Variants in ADGRB3 observed in about 807,000 individuals in gnomAD.
The protein encoded by ADGRB3 is adhesion G protein-coupled receptor B3, also known as brain-specific angiogenesis inhibitor 3.
ADGRB3 carries 37 observed loss-of-function variants against 193.4 expected under a neutral mutation model. The ratio of observed to expected loss-of-function variants is 0.19; its 90% CI spans 0.15 to 0.25. The LOEUF is 0.25. Ranked by LOEUF, ADGRB3 falls within the 10% of genes least tolerant of loss-of-function variation. The pLI, the probability that ADGRB3 is intolerant of heterozygous loss-of-function variation, is 1.00. For synonymous variants in ADGRB3, 690 were observed against 644.2 expected, an observed-to-expected ratio of 1.07 and a Z score of -1.08; for missense variants, 1,637 against 1,852.9, an observed-to-expected ratio of 0.88 and a Z score of 2.14.
At chr6:69,021,651 G>A (rs550612955) in intron 13 of ADGRB3, among the ~76,000 whole-genome samples, 32 of 151,804 alleles carry the variant, frequency 2.1e-4, no homozygotes, top group Admixed American at 1.6e-3. Context: ...GACTTAGGAC[G>A]ATAATTTATA....
At chr6:69,027,666 C>T (rs879769987) in intron 13 of ADGRB3, among the ~76,000 whole-genome samples, 3 of 152,206 alleles carry the variant, frequency 2.0e-5, no homozygotes, top group South Asian at 4.1e-4. Flanking sequence ...CTATTTGGCG[C>T]TTGAGTGAAA....
intron 20 of ADGRB3, among the ~76,000 whole-genome samples, chr6:69,252,612 C>T (rs1423795019): frequency 6.6e-6 from 1 of 152,038 alleles, no homozygotes; most frequent in Non-Finnish European, 1.5e-5. Context: ...TAAAGTTTAG[C>T]ACCTTTTCAT....
At chr6:69,123,321 T>A (rs1190053031) in intron 17 of ADGRB3, among the ~76,000 whole-genome samples, 1 of 152,152 alleles carries the variant, frequency 6.6e-6, no homozygotes, top group East Asian at 1.9e-4. Flanking sequence ...ACAAATTAAG[T>A]CAAATCTCAC....
chr6:69,154,406 G>C (rs1355027681), intron 17 of ADGRB3, among the ~76,000 whole-genome samples: 1 of 152,162 alleles, frequency 6.6e-6, no homozygotes, highest in African/African-American at 2.4e-5. Flanking sequence ...AGCCCTCCAT[G>C]ATCCAGCCTC....
intron 3 of ADGRB3, among the ~76,000 whole-genome samples, chr6:68,678,630 G>A (rs1201677093): frequency 6.6e-6 from 1 of 152,106 alleles, no homozygotes; most frequent in Non-Finnish European, 1.5e-5. Context: ...CTGAAATTGA[G>A]GAATATATCC....
intron 5 of ADGRB3, among the ~76,000 whole-genome samples, 157 bp downstream of exon 5, chr6:68,936,837 T>A (rs1277628682): frequency 6.6e-6 from 1 of 152,248 alleles, no homozygotes; most frequent in Non-Finnish European, 1.5e-5. Context: ...AAGATGTCTG[T>A]GATTATTTCT....
At chr6:69,278,708 G>A (rs776693245) in intron 20 of ADGRB3, among the ~76,000 whole-genome samples, 1 of 152,080 alleles carries the variant, frequency 6.6e-6, no homozygotes, top group Non-Finnish European at 1.5e-5. Flanking sequence ...AAGACCATGG[G>A]TTCCAGGTTC....
At chr6:69,205,756 G>T (rs1765524019) in intron 17 of ADGRB3, among the ~76,000 whole-genome samples, 1 of 151,660 alleles carries the variant, frequency 6.6e-6, no homozygotes, top group South Asian at 2.1e-4. Flanking sequence ...TCTTCATGAG[G>T]GCAGAACCCT....
chr6:69,222,819 T>C (rs554623289), intron 17 of ADGRB3, among the ~76,000 whole-genome samples: 17 of 152,272 alleles, frequency 1.1e-4, no homozygotes, highest in African/African-American at 4.1e-4. Context: ...TGCTGAAATA[T>C]TGATTTTTAA....
intron 17 of ADGRB3, among the ~76,000 whole-genome samples, chr6:69,100,976 A>G (rs1194292652): frequency 2.7e-5 from 3 of 110,640 alleles, no homozygotes; most frequent in Non-Finnish European, 6.0e-5. Flanking sequence ...AAAGGGAAGG[A>G]AGGAAGGAAG....
At chr6:69,166,803 A>G (rs1561939938) in intron 17 of ADGRB3, among the ~76,000 whole-genome samples, 1 of 152,118 alleles carries the variant, frequency 6.6e-6, no homozygotes. Context: ...AAACAACTTA[A>G]TTATATGCTA....
rs1770043739 is a variant in ADGRB3, at chr6:69,385,260, TCG to T, written c.4380+2326_4380+2327del. The stretch of plus-strand genomic sequence containing the variant: ...AAAAATAAGCATACTCTTTTTTGCT[TCG>T]TACCTAAATATTGGTAGGTTGAAAG... On this transcript the variant is annotated intron_variant, in intron 31 of 31. Transcript: ENST00000370598. 2.0e-5 allele frequency among the ~76,000 whole-genome samples: 3 copies of T among 152,116 alleles called. No individual in the cohort carries two copies. In the East Asian group the frequency reaches 5.8e-4, roughly 29 times the overall value.
intron 3 of ADGRB3, among the ~76,000 whole-genome samples, chr6:68,721,913 T>C (rs1167241456): frequency 4.6e-5 from 7 of 151,512 alleles, no homozygotes; most frequent in Non-Finnish European, 1.0e-4. Flanking sequence ...TTTTAATGTA[T>C]GATATTTAAT....
At chr6:68,821,064 T>G (rs1767739974) in intron 3 of ADGRB3, among the ~76,000 whole-genome samples, 1 of 152,018 alleles carries the variant, frequency 6.6e-6, no homozygotes, top group Non-Finnish European at 1.5e-5. Flanking sequence ...GTAAATTTTG[T>G]ACCTTAATAA....
At chr6:68,761,762 A>T (rs1766397648) in intron 3 of ADGRB3, among the ~76,000 whole-genome samples, 1 of 144,502 alleles carries the variant, frequency 6.9e-6, no homozygotes, top group African/African-American at 2.7e-5. Context: ...CAATGCAAAT[A>T]TGTTTTACTA....
At chr6:68,868,910 G>GGTGTGT (rs372367034) in intron 3 of ADGRB3, among the ~76,000 whole-genome samples, 1 of 106,472 alleles carries the variant, frequency 9.4e-6, no homozygotes, top group Non-Finnish European at 1.9e-5. Flanking sequence ...TCCAGATAAT[G>GGTGTGT]ATGTGTGTGT....
rs182622426 is a variant in ADGRB3 at position 68,677,795 on chromosome 6, G to A, written c.757+38363G>A. On this transcript the variant is annotated intron_variant, in intron 3 of 31. Coordinates refer to ENST00000370598, the MANE Select transcript of ADGRB3 (RefSeq NM_001704.3). ...TAATTTTTGTAATTTTTCATAGAGAGGGAGTTTCGCCATTTTGGCCAGGCT... is the reference window on the plus strand; with the variant it reads ...TAATTTTTGTAATTTTTCATAGAGAAGGAGTTTCGCCATTTTGGCCAGGCT... 3.3e-3 allele frequency among the ~76,000 whole-genome samples: 507 copies of A among 151,976 alleles called. 1 individual carries two copies. The highest frequency in any genetic ancestry group is 5.3e-3 in the Non-Finnish European group (358 of 67,936).
intron 3 of ADGRB3, among the ~76,000 whole-genome samples, chr6:68,911,135 G>A (rs1766694328): frequency 6.6e-6 from 1 of 151,806 alleles, no homozygotes; most frequent in South Asian, 2.1e-4. Flanking sequence ...GATGAAGCTG[G>A]AAACCATCAT....
chr6:69,335,227 G>A (rs1359355296), intron 24 of ADGRB3, among the ~76,000 whole-genome samples: 1 of 151,950 alleles, frequency 6.6e-6, no homozygotes, highest in Non-Finnish European at 1.5e-5. Flanking sequence ...AATTCATATA[G>A]CTCTTTATAA....
Sources: allele counts gnomAD v4.1 joint callset (sites outside exome capture counted in the v4.1 genomes callset), GRCh38; gene constraint gnomAD v4.1.1; transcripts MANE v1.5; gene names NCBI Gene and HGNC (gene_info 2026-07-23, HGNC 2026-07-21).